CDH13: variants seen among roughly 807,000 people sequenced by gnomAD.
CDH13 encodes the protein cadherin 13.
Under a neutral mutation model 63.8 loss-of-function variants are expected in CDH13, and 24 were observed. The ratio of observed to expected loss-of-function variants is 0.38; its 90% CI spans 0.27 to 0.53. The LOEUF (loss-of-function observed/expected upper bound fraction) is 0.53, where lower values mean the gene tolerates loss of function less well. Among genes scored for constraint, CDH13 ranks in the 20% least tolerant of loss-of-function variants. CDH13 has a pLI of 0.85. For synonymous variants in CDH13, 503 were observed against 355.3 expected (o/e 1.42, Z -4.67); for missense variants, 1,049 against 903.1 (o/e 1.16, Z -2.07).
chr16:83,223,648 C>G (rs1429641123), intron 5 of CDH13, among the ~76,000 whole-genome samples: 1 of 152,204 alleles, frequency 6.6e-6, no homozygotes, highest in Non-Finnish European at 1.5e-5. Context: ...GGCCTCCCGC[C>G]ACTCACTTCC....
rs1362473861 is a variant in CDH13 at position 82,826,601 on chromosome 16, A to G, written c.46-31761A>G. 2.0e-5 allele frequency: 3 copies of G among 152,194 alleles called. No individual in the cohort carries two copies. In the East Asian group the frequency reaches 5.8e-4, roughly 29 times the overall value. The allele number at this position is 152,194 out of a possible 1,614,324, so 9.4% of individuals were successfully genotyped here. ...TTTCTCATCTCAGGAATAGAGTCCC[A>G]ATCACTTCCAGATTGAAGCACTTAC... On this transcript the variant is annotated intron_variant, in intron 1 of 13. Coordinates refer to ENST00000567109, the MANE Select transcript of CDH13 (RefSeq NM_001257.5).
chr16:82,784,589 C>T (rs1181808618), intron 1 of CDH13, among the ~76,000 whole-genome samples: 3 of 152,074 alleles, frequency 2.0e-5, no homozygotes, highest in African/African-American at 7.2e-5. Context: ...TGGTTAGAAC[C>T]TAGTGAGGGA....
intron 5 of CDH13, among the ~76,000 whole-genome samples, chr16:83,272,903 TGAG>T (rs1345960739): frequency 6.6e-6 from 1 of 152,172 alleles, no homozygotes; most frequent in Non-Finnish European, 1.5e-5. Context: ...GAGCTAATGA[TGAG>T]TTTGCTGGAA....
intron 4 of CDH13, among the ~76,000 whole-genome samples, chr16:83,137,007 G>T (rs1343137516): frequency 1.3e-5 from 2 of 152,218 alleles, no homozygotes; most frequent in African/African-American, 2.4e-5. Flanking sequence ...AAGGAGTAGG[G>T]TTGACTTCAG....
rs548544750 is a variant in CDH13 at position 83,075,016 on chromosome 16, A to T, written c.366+42798A>T. On this transcript the variant is annotated intron_variant, in intron 3 of 13. Coordinates refer to ENST00000567109, the MANE Select transcript of CDH13 (RefSeq NM_001257.5). ...GCTGGGCTGATAATGGCCATAGGGG[A>T]TCCTCAGCCAATGAGGGGTAAGATC... Among the ~76,000 whole-genome samples, 34 of 152,252 alleles carry T rather than the reference A, an allele frequency of 2.2e-4. No individual in the cohort carries two copies. The South Asian group carries it at 6.2e-3, about 28-fold the overall frequency.
chr16:82,667,522 A>C (rs1423507026), intron 1 of CDH13, among the ~76,000 whole-genome samples: 1 of 152,198 alleles, frequency 6.6e-6, no homozygotes, highest in Admixed American at 6.5e-5. Context: ...AGGATTGTGC[A>C]TGTATGATGG....
chr16:82,945,510 G>C (rs759009807), intron 2 of CDH13, among the ~76,000 whole-genome samples: 2 of 152,278 alleles, frequency 1.3e-5, no homozygotes, highest in Admixed American at 6.5e-5. Flanking sequence ...TACGAGGATG[G>C]AAGAACAATA....
chr16:83,043,150 C>G (rs1382192777), intron 3 of CDH13, among the ~76,000 whole-genome samples: 2 of 152,066 alleles, frequency 1.3e-5, no homozygotes, highest in Non-Finnish European at 2.9e-5. Context: ...GCTCTTAGCT[C>G]CAGGATACTA....
intron 10 of CDH13, among the ~76,000 whole-genome samples, chr16:83,719,526 T>C (rs1370262963): frequency 6.6e-6 from 1 of 152,148 alleles, no homozygotes; most frequent in African/African-American, 2.4e-5. Context: ...CGCCACATTT[T>C]CCAGCACAAC....
chr16:83,300,710 T>A (rs1216887824), intron 5 of CDH13, among the ~76,000 whole-genome samples: 1 of 152,218 alleles, frequency 6.6e-6, no homozygotes, highest in African/African-American at 2.4e-5. Context: ...ACTGCAAACT[T>A]TAATATTTTC....
intron 8 of CDH13, among the ~76,000 whole-genome samples, chr16:83,633,282 G>T (rs1004755552): frequency 6.6e-6 from 1 of 152,176 alleles, no homozygotes; most frequent in African/African-American, 2.4e-5. Context: ...GCCTCTGACA[G>T]ATACTGCATC....
At chr16:83,151,879 T>C (rs2036995385) in intron 4 of CDH13, among the ~76,000 whole-genome samples, 1 of 152,060 alleles carries the variant, frequency 6.6e-6, no homozygotes, top group Non-Finnish European at 1.5e-5. Flanking sequence ...GGAGAATCAC[T>C]TGAACCTGGA....
At chr16:83,181,863 T>C (rs1385333563) in intron 4 of CDH13, among the ~76,000 whole-genome samples, 2 of 152,144 alleles carry the variant, frequency 1.3e-5, no homozygotes, top group Non-Finnish European at 2.9e-5. Flanking sequence ...CATGGAGATG[T>C]TGATTGCAGG....
At chr16:83,554,088 A>G (rs945248453) in intron 7 of CDH13, among the ~76,000 whole-genome samples, 1 of 152,230 alleles carries the variant, frequency 6.6e-6, no homozygotes, top group South Asian at 2.1e-4. Context: ...AGGAGGTTAT[A>G]GATTAGACCT....
chr16:83,299,223 T>G (rs1439397172), intron 5 of CDH13, among the ~76,000 whole-genome samples: 2 of 151,932 alleles, frequency 1.3e-5, no homozygotes, highest in African/African-American at 4.8e-5. Context: ...GATACCACAG[T>G]GTGGATGTTT....
chr16:83,157,038 A>G (rs1192046184), intron 4 of CDH13, among the ~76,000 whole-genome samples: 1 of 152,234 alleles, frequency 6.6e-6, no homozygotes, highest in Non-Finnish European at 1.5e-5. Flanking sequence ...AATCAAGGGC[A>G]GTAGATTCCA....
intron 5 of CDH13, among the ~76,000 whole-genome samples, chr16:83,247,847 G>C (rs1905119782): frequency 6.6e-6 from 1 of 152,144 alleles, no homozygotes; most frequent in Admixed American, 6.5e-5. Flanking sequence ...GTGAGTCAGA[G>C]GCACAGAACA....
At chr16:83,514,548 G>C (rs894446160) in intron 7 of CDH13, among the ~76,000 whole-genome samples, 5 of 152,160 alleles carry the variant, frequency 3.3e-5, no homozygotes, top group Non-Finnish European at 7.3e-5. Flanking sequence ...AGGAGGCTGA[G>C]GCATGGGAAT....
At chr16:83,075,087 C>T (rs1383286962) in intron 3 of CDH13, among the ~76,000 whole-genome samples, 1 of 152,130 alleles carries the variant, frequency 6.6e-6, no homozygotes, top group Non-Finnish European at 1.5e-5. Context: ...CCTTAATGGA[C>T]AATTCTGGGG....
Sources: gnomAD v4.1 joint callset for allele counts (sites outside exome capture counted in the v4.1 genomes callset) on GRCh38, gnomAD v4.1.1 for gene constraint, MANE v1.5 for transcripts, NCBI Gene and HGNC (gene_info 2026-07-23, HGNC 2026-07-21) for gene names.